PAN3: variants seen among roughly 807,000 people sequenced by gnomAD.
PAN3 encodes the protein PAN2-PAN3 deadenylation complex subunit PAN3.
In PAN3, 19 loss-of-function variants were observed where a neutral mutation model predicts 96.2. The observed-to-expected ratio is 0.20, with a 90% CI of 0.14 to 0.29. PAN3 has a LOEUF of 0.29. PAN3 is among the 10% of genes least tolerant of loss of function. The probability of loss-of-function intolerance (pLI) is 1.00; values close to 1 mark genes in which losing one functional copy is unlikely to be tolerated. For missense variants in PAN3, 882 were observed against 1,108.1 expected (o/e 0.80, Z 2.90); for synonymous variants, 433 against 406.6 (o/e 1.06, Z -0.78).
At chr13:28,235,722 C>CACACACACACACACACACACAT (rs763204992) in intron 6 of PAN3, among the ~76,000 whole-genome samples, 2 of 148,952 alleles carry the variant, frequency 1.3e-5, no homozygotes, top group African/African-American at 5.0e-5. Flanking sequence ...CACACACACA[C>CACACACACACACACACACACAT]ATATATATAT....
At chr13:28,158,031 A>G (rs1233860274) in intron 1 of PAN3, among the ~76,000 whole-genome samples, 3 of 152,234 alleles carry the variant, frequency 2.0e-5, no homozygotes, top group African/African-American at 7.2e-5. Context: ...TAGAGAGCCC[A>G]GAAATAAAGC....
chr13:28,207,729 T>C (rs1267164631), intron 5 of PAN3, among the ~76,000 whole-genome samples: 1 of 152,230 alleles, frequency 6.6e-6, no homozygotes, highest in African/African-American at 2.4e-5. Context: ...ATTATTCATT[T>C]ATAGAACTTA....
At chr13:28,245,809 A>T (rs942292055) in intron 6 of PAN3, among the ~76,000 whole-genome samples, 9 of 152,194 alleles carry the variant, frequency 5.9e-5, no homozygotes, top group Non-Finnish European at 2.9e-5. Flanking sequence ...CTTTCAGCTA[A>T]TGTTTTCAAG....
intron 5 of PAN3, among the ~76,000 whole-genome samples, chr13:28,208,687 G>C (rs113299876): frequency 3.9e-4 from 59 of 152,110 alleles, no homozygotes; most frequent in African/African-American, 1.2e-3. Flanking sequence ...CAGATTTTCT[G>C]ATTAGGGATA....
chr13:28,201,533 A>G (rs2485796), intron 5 of PAN3, among the ~76,000 whole-genome samples: 59,753 of 151,506 alleles, frequency 0.39, 13,368 homozygotes, highest in African/African-American at 0.62. Context: ...GCAACAGAGC[A>G]AGACTCCATC....
At chr13:28,141,266 A>G (rs1456351780) in intron 1 of PAN3, among the ~76,000 whole-genome samples, 1 of 150,968 alleles carries the variant, frequency 6.6e-6, no homozygotes, top group African/African-American at 2.4e-5. Flanking sequence ...CGGCCTCCCA[A>G]AGTGCTGGGA....
In PAN3 at chr13:28,162,847, T is replaced by C. The variant is rs566456473; in HGVS notation, c.431-11425T>C. ...ACAGAGGGAGACTTTTTCTCAAAAA[T>C]AACAACTTGCCACCAAGCTTAAAAA... On this transcript the variant is annotated intron_variant, in intron 1 of 18. Transcript: ENST00000380958. 9.6e-5 allele frequency among the ~76,000 whole-genome samples: 14 copies of C among 145,838 alleles called. No homozygotes were observed. In the East Asian group the frequency reaches 2.0e-3, roughly 21 times the overall value.
rs190533118 is a variant in PAN3 at position 28,237,113 on chromosome 13, A to G, written c.1000+16735A>G. ...CCAAAGAGTAGAATTTTGTTTTAAAATTAGCATTGTTAGGCCAGTGAAAAC... is the reference window on the plus strand; with the variant it reads ...CCAAAGAGTAGAATTTTGTTTTAAAGTTAGCATTGTTAGGCCAGTGAAAAC... On this transcript the variant is annotated intron_variant, in intron 6 of 18. Transcript: ENST00000380958. Among the ~76,000 whole-genome samples the G allele has an allele frequency of 6.6e-5, 10 of 152,324 alleles. No individual in the cohort carries two copies. In the East Asian group the frequency reaches 1.5e-3, roughly 23 times the overall value.
chr13:28,251,695 C>G (rs1314135809), intron 6 of PAN3, among the ~76,000 whole-genome samples: 1 of 152,164 alleles, frequency 6.6e-6, no homozygotes, highest in East Asian at 1.9e-4. Context: ...CCTGGTTTTA[C>G]ACAGCGGTTT....
chr13:28,243,447 G>T (rs908606571), intron 6 of PAN3, among the ~76,000 whole-genome samples: 1 of 152,024 alleles, frequency 6.6e-6, no homozygotes, highest in African/African-American at 2.4e-5. Context: ...TTTTTCATTT[G>T]TGTCTGTCTT....
chr13:28,191,272 C>T lies in PAN3; in HGVS notation c.691-5913C>T, dbSNP rs75762986. The stretch of plus-strand genomic sequence containing the variant: ...TTAGCACCTGCTTCCAGTTAATCAC[C>T]AATAGTGGTTTTTAACCTACCAGAT... On this transcript the variant is annotated intron_variant, in intron 4 of 18. Transcript: ENST00000380958. Among the ~76,000 whole-genome samples the T allele has an allele frequency of 8.7e-3, 1,318 of 152,170 alleles. 25 individuals carry two copies. The highest frequency in any genetic ancestry group is 0.03 in the African/African-American group (1,248 of 41,512).
intron 5 of PAN3, among the ~76,000 whole-genome samples, chr13:28,205,767 C>T (rs936345157): frequency 5.3e-5 from 8 of 151,128 alleles, no homozygotes; most frequent in East Asian, 1.9e-4. Context: ...CCCATGAGTT[C>T]GAGGCTGCAG....
At chr13:28,241,554 G>C (rs890090505) in intron 6 of PAN3, among the ~76,000 whole-genome samples, 1 of 152,162 alleles carries the variant, frequency 6.6e-6, no homozygotes, top group East Asian at 1.9e-4. Flanking sequence ...GGGGTTGTGA[G>C]GGAGGCTTCG....
In PAN3 at chr13:28,144,718, C is replaced by CCTTTTTTTTTT. The variant is rs1555267661; in HGVS notation, c.430+5631_430+5632insCTTTTTTTTTT. 1.7e-4 allele frequency among the ~76,000 whole-genome samples: 8 copies of CCTTTTTTTTTT among 46,776 alleles called. 4 individuals carry two copies. The highest frequency in any genetic ancestry group is 1.8e-4 in the Non-Finnish European group (4 of 22,264). The allele number at this position is 46,776 out of a possible 152,430, so 30.7% of individuals were successfully genotyped here. On this transcript the variant is annotated intron_variant, in intron 1 of 18. Transcript: ENST00000380958. ...TATCAAAAGCAAACCAAAACATCAT[C>CCTTTTTTTTTT]TTTTTTTTTTTTTTTTTTTTTCCTC...
chr13:28,199,837 C>G (rs1314624387), intron 5 of PAN3, among the ~76,000 whole-genome samples: 1 of 152,146 alleles, frequency 6.6e-6, no homozygotes, highest in South Asian at 2.1e-4. Context: ...TTCATCTTTC[C>G]TGTTCCATTT....
chr13:28,265,194 T>G (rs760035970), intron 9 of PAN3, among the ~76,000 whole-genome samples: 1 of 152,250 alleles, frequency 6.6e-6, no homozygotes, highest in Non-Finnish European at 1.5e-5. Context: ...AAGTTACAGC[T>G]ATTTCACTTG....
chr13:28,285,784 A>G (rs1191148301), intron 17 of PAN3, among the ~76,000 whole-genome samples: 1 of 151,904 alleles, frequency 6.6e-6, no homozygotes, highest in Non-Finnish European at 1.5e-5. Flanking sequence ...AATTTCTGCT[A>G]TCATATTTTT....
Position 28,184,991 on chromosome 13 carries a change from T to C in PAN3, c.690+7056T>C, listed in dbSNP as rs140558273. On this transcript the variant is annotated intron_variant, in intron 4 of 18. Coordinates refer to ENST00000380958, the MANE Select transcript of PAN3 (RefSeq NM_175854.8). Reference sequence around the variant, plus strand: ...CTTACTCTGTTTCTCTCATACTATGTTTAAAATAGCAAAATATTAAGCCAA... The same window carrying C: ...CTTACTCTGTTTCTCTCATACTATGCTTAAAATAGCAAAATATTAAGCCAA... Among the ~76,000 whole-genome samples, 988 of 152,284 alleles carry C rather than the reference T, an allele frequency of 6.5e-3. 37 individuals are homozygous for C. Among genetic ancestry groups the C allele is most frequent in the Admixed American group, 0.049 (750 of 15,288 alleles).
At chr13:28,153,456 C>T (rs1871676190) in intron 1 of PAN3, among the ~76,000 whole-genome samples, 1 of 151,954 alleles carries the variant, frequency 6.6e-6, no homozygotes, top group African/African-American at 2.4e-5. Context: ...CCAGGATGGT[C>T]TCAATCTCTT....
Sources: allele counts gnomAD v4.1 joint callset (sites outside exome capture counted in the v4.1 genomes callset), GRCh38; gene constraint gnomAD v4.1.1; transcripts MANE v1.5; gene names NCBI Gene and HGNC (gene_info 2026-07-23, HGNC 2026-07-21).